POR: variants seen among roughly 807,000 people sequenced by gnomAD.
POR encodes NADPH--cytochrome P450 reductase.
POR carries 56 observed loss-of-function variants against 84.0 expected under a neutral mutation model. The ratio of observed to expected loss-of-function variants is 0.67; its 90% confidence interval spans 0.54 to 0.83. POR has a LOEUF of 0.83. POR is among the 40% of genes least tolerant of loss of function. The probability of loss-of-function intolerance (pLI) is 0.00; values close to 1 mark genes in which losing one functional copy is unlikely to be tolerated. For synonymous variants in POR, 414 were observed against 400.5 expected (o/e 1.03, Z -0.40); for missense variants, 938 against 944.3 (o/e 0.99, Z 0.09).
intron 1 of POR, among the ~76,000 whole-genome samples, chr7:75,927,470 C>CA (rs1382798747): frequency 7.3e-5 from 11 of 151,194 alleles, no homozygotes; most frequent in Admixed American, 3.3e-4. Context: ...AAAAAAACAA[C>CA]AACAAAAAAA....
intron 1 of POR, among the ~76,000 whole-genome samples, chr7:75,927,642 A>G (rs1807196509): frequency 1.3e-5 from 2 of 151,442 alleles, no homozygotes. Context: ...TAAAATGATG[A>G]ATTTTATGGT....
At chr7:75,961,211 C>T (rs924239854) in intron 2 of POR, among the ~76,000 whole-genome samples, 3 of 144,980 alleles carry the variant, frequency 2.1e-5, no homozygotes, top group Non-Finnish European at 3.0e-5. Flanking sequence ...CCAGCCTGGG[C>T]GATGAAGTGA....
intron 2 of POR, among the ~76,000 whole-genome samples, chr7:75,964,005 C>CT (rs59047174): frequency 5.5e-4 from 80 of 145,558 alleles, no homozygotes; most frequent in Admixed American, 8.2e-4. Flanking sequence ...TTCTTTCTTT[C>CT]TTTTTTTTTT....
At chr7:75,934,569 A>C (rs568386247) in intron 1 of POR, among the ~76,000 whole-genome samples, 375 of 149,420 alleles carry the variant, frequency 2.5e-3, no homozygotes, top group African/African-American at 8.8e-3. Context: ...CTGATAGCCA[A>C]GACTGTGGGG....
intron 1 of POR, among the ~76,000 whole-genome samples, chr7:75,924,089 G>A (rs2116223988): frequency 6.6e-6 from 1 of 152,162 alleles, no homozygotes; most frequent in South Asian, 2.1e-4. Flanking sequence ...AGTAACTCTA[G>A]CATTTGTACA....
chr7:75,916,235 C>T (rs536696359), intron 1 of POR, among the ~76,000 whole-genome samples: 6 of 152,188 alleles, frequency 3.9e-5, no homozygotes, highest in Admixed American at 3.9e-4. Context: ...AGAGTGGCAT[C>T]GAGAACTTTA....
chr7:75,923,278 T>A, intron 1 of POR: 8 of 1,237,184 alleles, frequency 6.5e-6, no homozygotes, highest in Non-Finnish European at 9.4e-6. Context: ...ATTCATGAAA[T>A]TGCCTTCCCA....
intron 1 of POR, among the ~76,000 whole-genome samples, chr7:75,933,376 GTTT>G (rs200575911): frequency 1.1e-5 from 1 of 92,086 alleles, no homozygotes; most frequent in African/African-American, 3.2e-5. Flanking sequence ...ATAGGTCTTT[GTTT>G]TTTTTTTTTT....
intron 1 of POR, among the ~76,000 whole-genome samples, chr7:75,938,549 G>A (rs962254390): frequency 6.6e-6 from 1 of 152,134 alleles, no homozygotes; most frequent in African/African-American, 2.4e-5. Flanking sequence ...CTTGAGCCTA[G>A]GAGTTTGAGA....
At position 75,970,938 on chromosome 7, in the gene POR, T is replaced by TTTTTATTTTA. The variant is rs782776831; in HGVS notation, c.189-1445_189-1436dup. On this transcript the variant is annotated intron_variant, in intron 2 of 15. Transcript: ENST00000461988. ...TTGCCTTTCCTTCCTTTAATGGCGT[T>TTTTTATTTTA]TTTTATTTTATTTTATTTTATTTTA... 1.4e-4 allele frequency: 15 copies of TTTTTATTTTA among 109,136 alleles called. 1 individual carries two copies. Among genetic ancestry groups the TTTTTATTTTA allele is most frequent in the African/African-American group, 4.5e-4 (12 of 26,408 alleles). 6.8% of individuals were successfully genotyped at this position (109,136 alleles called of 1,614,324 possible). A position where few individuals can be genotyped will look rare whatever the true frequency, so the allele number is the denominator to read the frequency against.
chr7:75,943,962 A>C (rs1787066951), intron 1 of POR: 1 of 450,542 alleles, frequency 2.2e-6, no homozygotes, highest in Admixed American at 2.7e-5. Context: ...TTAAAAAAAA[A>C]ATAGCCAAGG....
chr7:75,936,086 C>CTTTTTTTTTTTTTTT (rs869164954), intron 1 of POR, among the ~76,000 whole-genome samples: 46 of 99,766 alleles, frequency 4.6e-4, no homozygotes, highest in Non-Finnish European at 5.5e-4. Context: ...TTCTTTCTTT[C>CTTTTTTTTTTTTTTT]TTTTTTTTTT....
At chr7:75,971,874 G>A (rs1332104921) in intron 2 of POR, among the ~76,000 whole-genome samples, 2 of 152,140 alleles carry the variant, frequency 1.3e-5, no homozygotes, top group Non-Finnish European at 2.9e-5. Flanking sequence ...GTTTGTGGAG[G>A]GGAGTGGCAG....
intron 1 of POR, chr7:75,922,749 A>G: frequency 2.3e-6 from 1 of 428,858 alleles, no homozygotes; most frequent in Non-Finnish European, 4.3e-6. Context: ...CTGCAACACT[A>G]GAAAGATGGC....
intron 10 of POR, among the ~76,000 whole-genome samples, chr7:75,984,461 G>A (rs1453514987): frequency 6.6e-6 from 1 of 152,216 alleles, no homozygotes; most frequent in Admixed American, 6.5e-5. Flanking sequence ...CAGCCCGCCT[G>A]TAGGGAAGCC....
At chr7:75,949,983 T>G (rs556478225) in intron 1 of POR, among the ~76,000 whole-genome samples, 1 of 151,430 alleles carries the variant, frequency 6.6e-6, no homozygotes, top group African/African-American at 2.4e-5. Flanking sequence ...CTCACCTCCC[T>G]CCTCCTGTTT....
At chr7:75,959,861 A>C (rs1364426059) in intron 2 of POR, among the ~76,000 whole-genome samples, 2 of 152,206 alleles carry the variant, frequency 1.3e-5, no homozygotes, top group African/African-American at 2.4e-5. Flanking sequence ...TGAGCTTTCT[A>C]TTCCATGAAC....
chr7:75,986,749 G>A lies in POR; in HGVS notation c.*268G>A. Reference sequence around the variant, plus strand: ...TGGCCCTCGGTGGCTGCACAGAAGGGCTCTTTCTCTCTGCTGAGCTGGGCC... The same window carrying A: ...TGGCCCTCGGTGGCTGCACAGAAGGACTCTTTCTCTCTGCTGAGCTGGGCC... On this transcript the variant is annotated 3_prime_UTR_variant, in exon 16 of 16. Transcript: ENST00000461988. The A allele has an allele frequency of 3.4e-6, 2 of 582,868 alleles. No individual in the cohort carries two copies. The highest frequency in any genetic ancestry group is 6.1e-6 in the Non-Finnish European group (2 of 329,548). The allele number at this position is 582,868 out of a possible 1,614,324, so 36.1% of individuals were successfully genotyped here.
chr7:75,966,635 C>T (rs1352635547), intron 2 of POR, among the ~76,000 whole-genome samples: 1 of 152,198 alleles, frequency 6.6e-6, no homozygotes, highest in East Asian at 1.9e-4. Flanking sequence ...GGGACAGTCT[C>T]AGGAGAAATC....
Sources: allele counts gnomAD v4.1 joint callset (sites outside exome capture counted in the v4.1 genomes callset), GRCh38; gene constraint gnomAD v4.1.1; transcripts MANE v1.5; gene names NCBI Gene and HGNC (gene_info 2026-07-23, HGNC 2026-07-21).